The following ARHGAP42 variants were observed in gnomAD, a reference collection of about 807,000 sequenced individuals.
ARHGAP42 encodes Rho GTPase activating protein 42.
In ARHGAP42, 63 loss-of-function variants were observed where a neutral mutation model predicts 125.0. That is an observed-to-expected ratio of 0.50 (90% CI 0.41 to 0.62). The LOEUF is 0.62. ARHGAP42 is among the 20% of genes least tolerant of loss of function. The pLI is 0.00. For synonymous variants in ARHGAP42, 339 were observed against 351.0 expected (o/e 0.97, Z 0.38); for missense variants, 766 against 1,024.2 (o/e 0.75, Z 3.44).
chr11:100,861,578 T>C (rs1865445998), intron 4 of ARHGAP42, among the ~76,000 whole-genome samples: 1 of 152,086 alleles, frequency 6.6e-6, no homozygotes, highest in African/African-American at 2.4e-5. Flanking sequence ...GAAAGCTATT[T>C]TAGAGGTGAA....
At chr11:100,946,329 C>T (rs1417377571) in intron 10 of ARHGAP42, among the ~76,000 whole-genome samples, 2 of 152,024 alleles carry the variant, frequency 1.3e-5, no homozygotes, top group Admixed American at 6.6e-5. Context: ...TGATTCCTAG[C>T]GTTTGTGTAT....
chr11:100,945,472 T>C (rs558862324), intron 10 of ARHGAP42, among the ~76,000 whole-genome samples: 9 of 152,280 alleles, frequency 5.9e-5, no homozygotes, highest in Non-Finnish European at 1.3e-4. Context: ...GAGGAATCAC[T>C]ACTTATGGCC....
In ARHGAP42 at chr11:100,976,717, T is replaced by C. The variant is rs1038415309; in HGVS notation, c.2237-98T>C. On this transcript the variant is annotated intron_variant, in intron 20 of 23. Coordinates refer to ENST00000298815, the MANE Select transcript of ARHGAP42 (RefSeq NM_152432.4). ...ACATTCTGTACCTTCCCATTTGGGC[T>C]CAGAGAAAAATGCTTCCTTTTGTTA... 1.4e-5 allele frequency: 20 copies of C among 1,425,906 alleles called. No individual in the cohort carries two copies. In the African/African-American group the frequency reaches 2.9e-4, roughly 20 times the overall value. The allele number at this position is 1,425,906 out of a possible 1,614,324, so 88.3% of individuals were successfully genotyped here. A position where few individuals can be genotyped will look rare whatever the true frequency, so the allele number is the denominator to read the frequency against.
chr11:100,859,887 C>T, intron 4 of ARHGAP42: 1 of 272,450 alleles, frequency 3.7e-6, no homozygotes, highest in Non-Finnish European at 6.8e-6. Flanking sequence ...ATTTTGAAGA[C>T]ACGGTGAAAT....
intron 3 of ARHGAP42, among the ~76,000 whole-genome samples, chr11:100,843,938 T>TA (rs563261678): frequency 2.0e-5 from 3 of 151,598 alleles, no homozygotes; most frequent in Non-Finnish European, 4.4e-5. Context: ...CACAGAACTA[T>TA]AAAAAAAATC....
intron 1 of ARHGAP42, among the ~76,000 whole-genome samples, chr11:100,748,921 T>C (rs993553659): frequency 6.6e-6 from 1 of 152,204 alleles, no homozygotes; most frequent in Non-Finnish European, 1.5e-5. Flanking sequence ...GCTCTCTCTC[T>C]CTTTCTCTCT....
chr11:100,787,331 A>G (rs1182011206), intron 2 of ARHGAP42, among the ~76,000 whole-genome samples: 1 of 151,724 alleles, frequency 6.6e-6, no homozygotes, highest in Non-Finnish European at 1.5e-5. Context: ...TCCTGCCACC[A>G]TGTAAGACAT....
At chr11:100,907,209 ATTTG>A in intron 4 of ARHGAP42, among the ~76,000 whole-genome samples, 1 of 152,206 alleles carries the variant, frequency 6.6e-6, no homozygotes, top group East Asian at 1.9e-4. Flanking sequence ...CATGGATTTA[ATTTG>A]TTTGTCTCCA....
Position 100,900,302 on chromosome 11 carries a change from G to T in ARHGAP42, c.385-13150G>T, listed in dbSNP as rs142812030. On this transcript the variant is annotated intron_variant, in intron 4 of 23. Coordinates refer to ENST00000298815, the MANE Select transcript of ARHGAP42 (RefSeq NM_152432.4). ...CTGCTAATCTGATGGGCTTCCCTTA[G>T]TGGGTAACCTGACCTTTCTCTCTGG... Among the ~76,000 whole-genome samples, 361 of 152,296 alleles carry T rather than the reference G, an allele frequency of 2.4e-3. 1 individual carries two copies. The highest frequency in any genetic ancestry group is 4.4e-3 in the Non-Finnish European group (299 of 68,020).
chr11:100,829,920 A>G (rs765589115), intron 3 of ARHGAP42, among the ~76,000 whole-genome samples: 3 of 152,254 alleles, frequency 2.0e-5, no homozygotes, highest in Non-Finnish European at 4.4e-5. Context: ...TAAGTCCTAG[A>G]GTTCATACTT....
In ARHGAP42 at chr11:100,893,215, T is replaced by G. The variant is rs535428200; in HGVS notation, c.385-20237T>G. On this transcript the variant is annotated intron_variant, in intron 4 of 23. Transcript: ENST00000298815. Reference sequence around the variant, plus strand: ...TCTTTTTGAAATTGAATTTGGGCTTTTTTGAGTCTCAGTGTTTTAAATTTC... The same window carrying G: ...TCTTTTTGAAATTGAATTTGGGCTTGTTTGAGTCTCAGTGTTTTAAATTTC... 2.7e-5 allele frequency among the ~76,000 whole-genome samples: 4 copies of G among 150,378 alleles called. No individual in the cohort carries two copies. In the South Asian group the frequency reaches 8.5e-4, roughly 32 times the overall value.
At chr11:100,877,410 A>T (rs1865844355) in intron 4 of ARHGAP42, among the ~76,000 whole-genome samples, 8 of 152,146 alleles carry the variant, frequency 5.3e-5, no homozygotes, top group Admixed American at 5.2e-4. Flanking sequence ...GCTTTACTAT[A>T]CTTCTTTGCT....
At chr11:100,699,506 ATTTTTTTTTT>A (rs869243290) in intron 1 of ARHGAP42, among the ~76,000 whole-genome samples, 54 of 31,688 alleles carry the variant, frequency 1.7e-3, no homozygotes, top group South Asian at 2.4e-3. Flanking sequence ...ATATATATAT[ATTTTTTTTTT>A]TTTTTTTTTT....
intron 3 of ARHGAP42, among the ~76,000 whole-genome samples, chr11:100,829,401 C>T (rs1358862877): frequency 6.6e-6 from 1 of 152,028 alleles, no homozygotes; most frequent in African/African-American, 2.4e-5. Flanking sequence ...AAGAACCTCA[C>T]CAGGTTAATT....
intron 2 of ARHGAP42, among the ~76,000 whole-genome samples, chr11:100,794,075 C>CAAAAAAAAAAAAAAAAAAA (rs869272420): frequency 6.7e-5 from 3 of 44,864 alleles, no homozygotes; most frequent in African/African-American, 2.1e-4. Context: ...GACCCTGTCT[C>CAAAAAAAAAAAAAAAAAAA]AAAAAAAAAA....
intron 3 of ARHGAP42, among the ~76,000 whole-genome samples, chr11:100,850,645 G>A (rs1272201072): frequency 1.3e-5 from 2 of 152,062 alleles, no homozygotes. Context: ...AGTTATTAAA[G>A]CATGTCTTTT....
chr11:100,832,584 T>G (rs1422714692), intron 3 of ARHGAP42, among the ~76,000 whole-genome samples: 1 of 152,230 alleles, frequency 6.6e-6, no homozygotes, highest in Non-Finnish European at 1.5e-5. Flanking sequence ...TCAGGAATTC[T>G]TTTTTGACTG....
rs1858381904 is a variant in ARHGAP42, at chr11:100,976,085, C to T, written c.1884C>T (p.Ser628=). 4 of 1,541,012 alleles carry T rather than the reference C, an allele frequency of 2.6e-6. No individual in the cohort carries two copies. Among genetic ancestry groups the T allele is most frequent in the Non-Finnish European group, 1.8e-6 (2 of 1,141,788 alleles). ...DSDSYSSSPD[S]TPMGSIESLS... is the part of the protein sequence containing the mutation. ...ACTCCTATAGCAGCAGCCCAGACAG[C>T]ACACCTATGGGGAGCATTGAGTCAC... The change falls in exon 20 of 24, where the codon AGC becomes AGT. Residue 628 remains serine (S), a synonymous_variant. Coordinates refer to ENST00000298815, the MANE Select transcript of ARHGAP42 (RefSeq NM_152432.4).
intron 1 of ARHGAP42, among the ~76,000 whole-genome samples, chr11:100,692,672 T>C (rs1861211173): frequency 6.6e-6 from 1 of 152,186 alleles, no homozygotes; most frequent in East Asian, 1.9e-4. Context: ...ACCGATTATG[T>C]TGATGATGTG....
Sources: allele counts gnomAD v4.1 joint callset (sites outside exome capture counted in the v4.1 genomes callset), GRCh38; gene constraint gnomAD v4.1.1; transcripts MANE v1.5; gene names NCBI Gene and HGNC (gene_info 2026-07-23, HGNC 2026-07-21).